Variants in BTBD1 observed in about 807,000 individuals in gnomAD.
BTBD1 encodes BTB/POZ domain-containing protein 1.
BTBD1 carries 34 observed loss-of-function variants against 48.0 expected under a neutral mutation model. The ratio of observed to expected loss-of-function variants is 0.71; its 90% CI spans 0.54 to 0.94. BTBD1 has a LOEUF of 0.94. BTBD1 is among the 40% of genes least tolerant of loss of function. BTBD1 has a pLI of 0.00. For synonymous variants in BTBD1, 261 were observed against 242.1 expected, an observed-to-expected ratio of 1.08 and a Z score of -0.72; for missense variants, 543 against 625.6, an observed-to-expected ratio of 0.87 and a Z score of 1.41.
intron 4 of BTBD1, among the ~76,000 whole-genome samples, chr15:83,031,868 A>G (rs117998309): frequency 0.022 from 3,424 of 152,268 alleles, 56 homozygotes; most frequent in Middle Eastern, 0.041. Flanking sequence ...TAAAACCACA[A>G]TAAGGTACCA....
At chr15:83,041,700 A>T (rs1255943077) in intron 4 of BTBD1, 28 bp downstream of exon 4, 1 of 1,605,926 alleles carries the variant, frequency 6.2e-7, no homozygotes, top group East Asian at 2.2e-5. Flanking sequence ...ACAGTTTCAA[A>T]TAGATTTTGG....
chr15:83,041,339 T>A (rs1229486532), intron 4 of BTBD1, among the ~76,000 whole-genome samples: 1 of 152,064 alleles, frequency 6.6e-6, no homozygotes, highest in Non-Finnish European at 1.5e-5. Flanking sequence ...AAAGCTTCTT[T>A]TCCTCTCTGG....
rs1567099781 is a variant in BTBD1, at chr15:83,017,163, G to A, written c.*904C>T. ...ATTTTTCAGCAGGAGTGATTCTGTT[G>A]GATCTCTTTACAATGTCAGAGCAGT... On this transcript the variant is annotated 3_prime_UTR_variant, in exon 8 of 8. Transcript: ENST00000261721. 2 of 152,608 alleles carry A rather than the reference G, an allele frequency of 1.3e-5. No individual in the cohort carries two copies. Among genetic ancestry groups the A allele is most frequent in the Admixed American group, 6.5e-5 (1 of 15,282 alleles). The allele number at this position is 152,608 out of a possible 1,614,324, so 9.5% of individuals were successfully genotyped here. A position where few individuals can be genotyped will look rare whatever the true frequency, so the allele number is the denominator to read the frequency against.
At position 83,016,721 on chromosome 15, in the gene BTBD1, T is replaced by C. The variant is rs1197720152; in HGVS notation, c.*1346A>G. 3 of 152,202 alleles carry C rather than the reference T, an allele frequency of 2.0e-5. No individual in the cohort carries two copies. Among genetic ancestry groups the C allele is most frequent in the Non-Finnish European group, 4.4e-5 (3 of 68,038 alleles). The allele number at this position is 152,202 out of a possible 1,614,324, so 9.4% of individuals were successfully genotyped here. Reference sequence around the variant, plus strand: ...GATAATTCCATTTAACTGAGGTTTATATCCGTAAGAGCATTACCATAGAAA... The same window carrying C: ...GATAATTCCATTTAACTGAGGTTTACATCCGTAAGAGCATTACCATAGAAA... On this transcript the variant is annotated 3_prime_UTR_variant, in exon 8 of 8. Coordinates refer to ENST00000261721, the MANE Select transcript of BTBD1 (RefSeq NM_025238.4).
chr15:83,066,960 G>A lies in BTBD1; in HGVS notation c.192C>T (p.Asn64=). 3 of 1,582,186 alleles carry A rather than the reference G, an allele frequency of 1.9e-6. No individual in the cohort carries two copies. The highest frequency in any genetic ancestry group is 2.6e-6 in the Non-Finnish European group (3 of 1,166,520). Residue 64 remains asparagine (N), a synonymous_variant, in exon 1 of 8, where the codon AAC becomes AAT. Transcript: ENST00000261721. ...SLKERFAFLF[N]SELLSDVRFV... ...AGCGCACATCGCTCAGCAGCTCCGA[G>A]TTGAAGAGGAAGGCGAAGCGCTCCT...
intron 2 of BTBD1, among the ~76,000 whole-genome samples, chr15:83,054,407 A>G: frequency 6.6e-6 from 1 of 152,272 alleles, no homozygotes; most frequent in East Asian, 1.9e-4. Flanking sequence ...GTGAGGAGTA[A>G]GTGCCATAAT....
chr15:83,049,864 T>C (rs527878826), intron 3 of BTBD1, among the ~76,000 whole-genome samples: 51 of 152,372 alleles, frequency 3.3e-4, no homozygotes, highest in African/African-American at 1.2e-3. Flanking sequence ...CAATGAATAT[T>C]TATTTGATTT....
chr15:83,041,986 A>G (rs2151306981), intron 3 of BTBD1, 61 bp from the exon 4 acceptor site: 1 of 1,362,720 alleles, frequency 7.3e-7, no homozygotes, highest in Non-Finnish European at 1.0e-6. Flanking sequence ...ACCAAGCAAT[A>G]CCAACAGACA....
rs2032167126 is a variant in BTBD1, at chr15:83,016,448, T to C, written c.*1619A>G. ...TTTTTTTTATATATATATATATTTA[T>C]TTATTTTTAAAAACTCCAGGGGATG... On this transcript the variant is annotated 3_prime_UTR_variant, in exon 8 of 8. Coordinates refer to ENST00000261721, the MANE Select transcript of BTBD1 (RefSeq NM_025238.4). 2 of 151,656 alleles carry C rather than the reference T, an allele frequency of 1.3e-5. No individual in the cohort carries two copies. Among genetic ancestry groups the C allele is most frequent in the Non-Finnish European group, 1.5e-5 (1 of 67,852 alleles). The allele number at this position is 151,656 out of a possible 1,614,324, so 9.4% of individuals were successfully genotyped here.
chr15:83,064,848 A>G (rs1429078249), intron 1 of BTBD1, among the ~76,000 whole-genome samples: 2 of 152,238 alleles, frequency 1.3e-5, no homozygotes, highest in East Asian at 3.8e-4. Flanking sequence ...CCTGGATTTT[A>G]GCTTTTGAGG....
At chr15:83,034,901 T>G (rs1039750511) in intron 4 of BTBD1, among the ~76,000 whole-genome samples, 1 of 152,202 alleles carries the variant, frequency 6.6e-6, no homozygotes, top group Admixed American at 6.5e-5. Flanking sequence ...TTCATAGATA[T>G]AGTATTCAAT....
At chr15:83,029,935 A>G (rs1372546755) in intron 5 of BTBD1, 1 of 609,814 alleles carries the variant, frequency 1.6e-6, no homozygotes, top group Non-Finnish European at 2.9e-6. Context: ...TTTTTTCTTA[A>G]GAAGTCACCC....
At chr15:83,050,266 A>T in intron 2 of BTBD1, 88 bp from the exon 3 acceptor site, 1 of 677,758 alleles carries the variant, frequency 1.5e-6, no homozygotes, top group Non-Finnish European at 2.4e-6. Flanking sequence ...GTCAACAGTT[A>T]TAATTGCTAA....
At chr15:83,043,220 T>G (rs1046563107) in intron 3 of BTBD1, among the ~76,000 whole-genome samples, 2 of 151,624 alleles carry the variant, frequency 1.3e-5, no homozygotes, top group African/African-American at 2.4e-5. Context: ...AGTGGGGGAG[T>G]AAGCCAAATA....
rs756114451 is a variant in BTBD1, at chr15:83,066,887, G to A, written c.265C>T (p.Arg89Cys). The A allele has an allele frequency of 4.0e-6, 6 of 1,504,118 alleles. No homozygotes were observed. Among genetic ancestry groups the A allele is most frequent in the Non-Finnish European group, 3.5e-6 (4 of 1,130,384 alleles). The allele number at this position is 1,504,118 out of a possible 1,614,324, so 93.2% of individuals were successfully genotyped here. ...AGCACGAAGCGGTGGGCGGGGATGCGCTGCGGGCCCCCAGCGGCGGCGGCG... is the reference window on the plus strand; with the variant it reads ...AGCACGAAGCGGTGGGCGGGGATGCACTGCGGGCCCCCAGCGGCGGCGGCG... ...RGAAAAGGPQ[R>C]IPAHRFVLAA... The change falls in exon 1 of 8, where the codon CGC becomes TGC. Residue 89 changes from arginine to cysteine, a missense_variant. Transcript: ENST00000261721.
intron 5 of BTBD1, chr15:83,029,763 A>G: frequency 4.9e-6 from 1 of 202,564 alleles, no homozygotes; most frequent in Non-Finnish European, 9.9e-6. Flanking sequence ...CAGGTTACTC[A>G]GGAGGCTGAG....
At position 83,018,241 on chromosome 15, in the gene BTBD1, A is replaced by G; in HGVS notation, c.1291-16T>C. On this transcript the variant is annotated splice_polypyrimidine_tract_variant and intron_variant, in intron 7 of 7. Coordinates refer to ENST00000261721, the MANE Select transcript of BTBD1 (RefSeq NM_025238.4). ...AATCTGGACCCTAAATGAGAACAAA[A>G]GGTTCCTTAGTAATTTTCATTTAAT... 2 of 1,534,640 alleles carry G rather than the reference A, an allele frequency of 1.3e-6. 1 individual carries two copies. The highest frequency in any genetic ancestry group is 2.7e-5 in the South Asian group (2 of 74,766).
intron 5 of BTBD1, among the ~76,000 whole-genome samples, chr15:83,028,443 C>A (rs1481042401): frequency 6.6e-6 from 1 of 152,120 alleles, no homozygotes; most frequent in Non-Finnish European, 1.5e-5. Context: ...GATTCAATAT[C>A]CTAATGTTTT....
chr15:83,062,329 G>T (rs2033189385), intron 1 of BTBD1, among the ~76,000 whole-genome samples: 1 of 152,138 alleles, frequency 6.6e-6, no homozygotes, highest in Non-Finnish European at 1.5e-5. Flanking sequence ...GGAGAGGCAG[G>T]TAAAATTTTC....
Sources: gnomAD v4.1 joint callset for allele counts (sites outside exome capture counted in the v4.1 genomes callset) on GRCh38, gnomAD v4.1.1 for gene constraint, MANE v1.5 for transcripts, NCBI Gene and HGNC (gene_info 2026-07-23, HGNC 2026-07-21) for gene names.